LCOR: variants seen among roughly 807,000 people sequenced by gnomAD.
The protein encoded by LCOR is ligand dependent nuclear receptor corepressor.
A neutral mutation model predicts 64.4 loss-of-function variants in LCOR; 14 were observed. The ratio of observed to expected loss-of-function variants is 0.22; its 90% CI spans 0.14 to 0.34. LCOR has a LOEUF of 0.34. LCOR is among the 10% of genes least tolerant of loss of function. The pLI is 1.00. For missense variants in LCOR, 1,686 were observed against 1,765.3 expected (o/e 0.96, Z 0.80); for synonymous variants, 643 against 642.5 (o/e 1.00, Z -0.01).
intron 3 of LCOR, 99 bp from the exon 4 acceptor site, chr10:96,907,569 C>A: frequency 5.1e-6 from 2 of 393,348 alleles, no homozygotes; most frequent in Non-Finnish European, 6.9e-6. Flanking sequence ...TATGGCCTAA[C>A]TACTTAGTTT....
chr10:96,967,627 A>G (rs1388586847), intron 7 of LCOR, among the ~76,000 whole-genome samples: 1 of 152,184 alleles, frequency 6.6e-6, no homozygotes, highest in African/African-American at 2.4e-5. Context: ...TATCTGTACG[A>G]ACATTGGCAA....
At position 96,982,414 on chromosome 10, in the gene LCOR, C is replaced by T. The variant is rs1489910546; in HGVS notation, c.1954C>T (p.Pro652Ser). The change falls in exon 8 of 8, where the codon CCA (proline) becomes TCA (serine). Residue 652 changes from proline to serine, a missense_variant. By Grantham distance (74) the Pro-to-Ser change is moderately conservative. Transcript: ENST00000421806. ...GATGTCTTCTCCTGAACACAACCAACCACCAGTTGCACTGTTGGATACGGA... is the reference window on the plus strand; with the variant it reads ...GATGTCTTCTCCTGAACACAACCAATCACCAGTTGCACTGTTGGATACGGA... Reference protein sequence around the residue: ...SGMSSPEHNQPPVALLDTEEM... With the variant: ...SGMSSPEHNQSPVALLDTEEM... The T allele has an allele frequency of 6.2e-7, 1 of 1,614,220 alleles. No homozygotes were observed. Among genetic ancestry groups the T allele is most frequent in the Non-Finnish European group, 8.5e-7 (1 of 1,180,022 alleles).
At chr10:96,834,619 G>T (rs1845409622) in intron 2 of LCOR, among the ~76,000 whole-genome samples, 1 of 152,110 alleles carries the variant, frequency 6.6e-6, no homozygotes. Context: ...TTGTTTTGAA[G>T]AATTTTTAGT....
intron 7 of LCOR, chr10:96,963,442 G>C (rs770538218): frequency 6.6e-6 from 1 of 152,154 alleles, no homozygotes; most frequent in Non-Finnish European, 1.5e-5. Flanking sequence ...TTGGGTGTCT[G>C]ACCTCTACAT....
chr10:96,964,426 G>A (rs939814973), intron 7 of LCOR: 2 of 152,000 alleles, frequency 1.3e-5, no homozygotes, highest in African/African-American at 2.4e-5. Flanking sequence ...AATAAATTTT[G>A]TTGTGAAAAA....
chr10:96,963,835 A>G (rs1847918478), intron 7 of LCOR: 2 of 152,238 alleles, frequency 1.3e-5, no homozygotes, highest in African/African-American at 4.8e-5. Flanking sequence ...TCTAAAATAA[A>G]TTCTCTCCAC....
intron 7 of LCOR, among the ~76,000 whole-genome samples, chr10:96,970,573 TA>T (rs1445262349): frequency 2.0e-5 from 3 of 151,726 alleles, no homozygotes; most frequent in African/African-American, 7.3e-5. Flanking sequence ...TACAGCCTAT[TA>T]ATGGATTGTA....
intron 7 of LCOR, among the ~76,000 whole-genome samples, chr10:96,970,841 A>G (rs1005956197): frequency 3.5e-4 from 53 of 151,460 alleles, no homozygotes; most frequent in African/African-American, 1.3e-3. Flanking sequence ...CTGGTCTCGA[A>G]CTCCTGAGCT....
At chr10:96,971,623 G>T (rs183074865) in intron 7 of LCOR, among the ~76,000 whole-genome samples, 273 of 152,306 alleles carry the variant, frequency 1.8e-3, no homozygotes, top group Middle Eastern at 0.014. Context: ...TGTAAGCAGT[G>T]GGGAGCTTAT....
chr10:96,837,878 T>C (rs1845474248), intron 2 of LCOR, among the ~76,000 whole-genome samples: 1 of 152,242 alleles, frequency 6.6e-6, no homozygotes, highest in Admixed American at 6.5e-5. Context: ...ACCTCTCTCT[T>C]AATTCATATT....
rs1464835712 is a variant in LCOR, at chr10:96,983,856, A to G, written c.3396A>G (p.Gly1132=). The G allele has an allele frequency of 6.2e-7, 1 of 1,614,082 alleles. No homozygotes were observed. Among genetic ancestry groups the G allele is most frequent in the Admixed American group, 1.7e-5 (1 of 59,996 alleles). ...GCTGGATCCAGTTGGAGAAAGAAGG[A>G]CAGCCAACACCAAGAGCAAGGAACA... The part of the protein sequence containing the change: ...QKGWIQLEKE[G]QPTPRARNKS... Residue 1132 remains glycine (G), a synonymous_variant, in exon 8 of 8, where the codon GGA becomes GGG. Coordinates refer to ENST00000421806, the MANE Select transcript of LCOR (RefSeq NM_001346516.2). This position sits in a 1 kb window ranked among gnomAD's most constrained non-coding sequence, Gnocchi z 4.5.
chr10:96,923,259 G>A (rs1419518914), intron 4 of LCOR, among the ~76,000 whole-genome samples: 1 of 152,106 alleles, frequency 6.6e-6, no homozygotes, highest in African/African-American at 2.4e-5. Flanking sequence ...CTGTCTATTC[G>A]GGGAGTCTTT....
In LCOR at chr10:96,896,676, G is replaced by A. The variant is rs565296703; in HGVS notation, c.-329-10589G>A. On this transcript the variant is annotated intron_variant, in intron 2 of 7. Coordinates refer to ENST00000421806, the MANE Select transcript of LCOR (RefSeq NM_001346516.2). Reference sequence around the variant, plus strand: ...TGACCTCAGGTGATCCACCCGCCCTGCCCTTCCAAAGTGCTGGGATTACAG... The same window carrying A: ...TGACCTCAGGTGATCCACCCGCCCTACCCTTCCAAAGTGCTGGGATTACAG... Among the ~76,000 whole-genome samples, 665 of 152,178 alleles carry A rather than the reference G, an allele frequency of 4.4e-3. 9 individuals carry two copies. The highest frequency in any genetic ancestry group is 0.015 in the African/African-American group (637 of 41,528).
At chr10:96,894,763 ATATATT>A (rs1846508311) in intron 2 of LCOR, among the ~76,000 whole-genome samples, 4 of 152,312 alleles carry the variant, frequency 2.6e-5, no homozygotes, top group Admixed American at 2.0e-4. Context: ...TATAAATTAG[ATATATT>A]TAGATGTGTT....
chr10:96,934,862 A>G (rs941289767), intron 4 of LCOR, among the ~76,000 whole-genome samples: 2 of 152,182 alleles, frequency 1.3e-5, no homozygotes, highest in African/African-American at 4.8e-5. Context: ...TCGGCCTCCA[A>G]AAGGGCTGGG....
chr10:96,927,113 C>G (rs1847181830), intron 4 of LCOR, among the ~76,000 whole-genome samples: 1 of 152,060 alleles, frequency 6.6e-6, no homozygotes, highest in Admixed American at 6.6e-5. Context: ...AGTGACTGAA[C>G]CATTTTGTGT....
chr10:96,859,176 G>A (rs767965891), intron 2 of LCOR, among the ~76,000 whole-genome samples: 2 of 151,938 alleles, frequency 1.3e-5, no homozygotes, highest in East Asian at 1.9e-4. Flanking sequence ...TCTTTCCATC[G>A]GTAAGCATTT....
chr10:96,906,055 A>G (rs1292301269), intron 2 of LCOR, among the ~76,000 whole-genome samples: 2 of 152,166 alleles, frequency 1.3e-5, no homozygotes, highest in East Asian at 3.9e-4. Context: ...AAAAATTGAT[A>G]CATGTGAGGG....
chr10:96,909,184 C>T (rs1184391261), intron 4 of LCOR, among the ~76,000 whole-genome samples: 3 of 152,126 alleles, frequency 2.0e-5, no homozygotes, highest in Admixed American at 6.5e-5. Flanking sequence ...CCAACCCTCA[C>T]CCCTCAAATG....
Sources: allele counts gnomAD v4.1 joint callset (sites outside exome capture counted in the v4.1 genomes callset), GRCh38; gene constraint gnomAD v4.1.1; non-coding constraint Gnocchi (gnomAD v3.1); transcripts MANE v1.5; gene names NCBI Gene and HGNC (gene_info 2026-07-23, HGNC 2026-07-21).